The following OGT variants were observed in gnomAD, a reference collection of about 807,000 sequenced individuals.
The protein encoded by OGT is UDP-N-acetylglucosamine--peptide N-acetylglucosaminyltransferase 110 kDa subunit.
OGT carries 3 observed loss-of-function variants against 75.8 expected under a neutral mutation model. That is an observed-to-expected ratio of 0.04 (90% confidence interval 0.02 to 0.10). The LOEUF (loss-of-function observed/expected upper bound fraction) is 0.10. Among genes scored for constraint, OGT ranks in the 10% least tolerant of loss-of-function variants. OGT has a pLI of 1.00. For missense variants in OGT, 260 were observed against 824.4 expected (o/e 0.32, Z 8.38); for synonymous variants, 257 against 289.7 (o/e 0.89, Z 1.15).
intron 8 of OGT, 115 bp downstream of exon 8, chrX:71,556,209 T>C: frequency 1.2e-6 from 1 of 851,254 alleles, no homozygotes; most frequent in Non-Finnish European, 1.7e-6. Context: ...ACAAGAGGAT[T>C]ATTCATTGAA....
chrX:71,558,242 C>T (rs1168412532), intron 12 of OGT, among the ~76,000 whole-genome samples: 3 of 111,173 alleles, frequency 2.7e-5, no homozygotes, highest in African/African-American at 6.5e-5. Context: ...TGAGCCACCG[C>T]GCCTGGCCAG....
At chrX:71,541,178 G>C (rs1456562383) in intron 3 of OGT, among the ~76,000 whole-genome samples, 1 of 112,056 alleles carries the variant, frequency 8.9e-6, no homozygotes, top group African/African-American at 3.2e-5. Flanking sequence ...ATTGTTGCTT[G>C]TGCTTTGATT....
chrX:71,548,090 A>ATTATTTAGTTCT, intron 5 of OGT, 67 bp downstream of exon 5: 1 of 1,044,280 alleles, frequency 9.6e-7, no homozygotes, highest in Non-Finnish European at 1.3e-6. Context: ...TACTAGAACT[A>ATTATTTAGTTCT]AATAATAGGT....
chrX:71,549,227 T>C (rs1443770311), intron 5 of OGT, among the ~76,000 whole-genome samples: 1 of 89,409 alleles, frequency 1.1e-5, no homozygotes, highest in Non-Finnish European at 2.1e-5. Context: ...GCCTGGGAGC[T>C]GGAGGTTGCA....
intron 3 of OGT, among the ~76,000 whole-genome samples, chrX:71,540,167 A>G (rs936727587): frequency 1.8e-5 from 2 of 112,517 alleles, no homozygotes; most frequent in African/African-American, 6.5e-5. Flanking sequence ...ACCAATAAGA[A>G]TGAAAATGGG....
intron 6 of OGT, 103 bp downstream of exon 6, chrX:71,554,695 C>T: frequency 1.7e-6 from 1 of 598,366 alleles, no homozygotes; most frequent in East Asian, 3.4e-5. Context: ...AGCATATTTG[C>T]CTTTTCTAGC....
intron 5 of OGT, among the ~76,000 whole-genome samples, chrX:71,552,266 T>A (rs1257877870): frequency 2.7e-5 from 3 of 109,632 alleles, no homozygotes; most frequent in Non-Finnish European, 5.7e-5. Context: ...TCTCCAAAAA[T>A]AAATAAATAA....
chrX:71,566,355 A>G (rs2040416210), intron 19 of OGT, among the ~76,000 whole-genome samples: 1 of 111,991 alleles, frequency 8.9e-6, no homozygotes, highest in African/African-American at 3.2e-5. Flanking sequence ...AGACTGGGTA[A>G]TTTATAAAGG....
In OGT at chrX:71,537,263, C is replaced by T. The variant is rs1262969845; in HGVS notation, c.219-566C>T. ...GATTACAGACATCAGCCACCGCGCC[C>T]GGCCAATGTGGTAGTTTTGTAACAA... On this transcript the variant is annotated intron_variant, in intron 2 of 21. Transcript: ENST00000373719. Among the ~76,000 whole-genome samples the T allele has an allele frequency of 8.2e-5, 9 of 110,211 alleles. No individual in the cohort carries two copies. The East Asian group carries it at 1.1e-3, about 14-fold the overall frequency.
intron 21 of OGT, among the ~76,000 whole-genome samples, chrX:71,571,159 A>G (rs2040455989): frequency 9.0e-6 from 1 of 110,807 alleles, no homozygotes; most frequent in Non-Finnish European, 1.9e-5. Flanking sequence ...GGTTCATACA[A>G]TGCTTTTCCT....
At chrX:71,559,529 G>T in intron 13 of OGT, 59 bp from the exon 14 acceptor site, 1 of 1,159,565 alleles carries the variant, frequency 8.6e-7, no homozygotes, top group Non-Finnish European at 1.2e-6. Context: ...CTTTTGGAAA[G>T]ATTTGAGCCA....
intron 21 of OGT, among the ~76,000 whole-genome samples, chrX:71,572,757 ACT>A (rs1260855981): frequency 1.8e-5 from 2 of 111,673 alleles, no homozygotes; most frequent in East Asian, 5.5e-4. Flanking sequence ...ACAGAGTGAG[ACT>A]CTATTTCAAA....
chrX:71,556,829 ATGTT>A lies in OGT; in HGVS notation c.1166+52_1166+55del, dbSNP rs750452749. The A allele has an allele frequency of 2.4e-5, 25 of 1,039,657 alleles. No homozygotes were observed. In the African/African-American group the frequency reaches 4.2e-4, roughly 17 times the overall value. 85.7% of individuals were successfully genotyped at this position (1,039,657 alleles called of 1,213,427 possible). A position where few individuals can be genotyped will look rare whatever the true frequency, so the allele number is the denominator to read the frequency against. On this transcript the variant is annotated intron_variant, in intron 9 of 21. Coordinates refer to ENST00000373719, the MANE Select transcript of OGT (RefSeq NM_181672.3). ...TTTTAAAATTATTTTTAATTTTAAA[ATGTT>A]TGACATTCGGCACATTGCAGATGCT...
intron 4 of OGT, 129 bp from the exon 5 acceptor site, chrX:71,547,778 G>C: frequency 8.8e-7 from 1 of 1,141,388 alleles, no homozygotes; most frequent in South Asian, 2.1e-5. Flanking sequence ...CTTTTGGCTG[G>C]TCAGAGAAGG....
chrX:71,538,127 A>G (rs992207522), intron 3 of OGT, 55 bp downstream of exon 3: 1 of 1,159,212 alleles, frequency 8.6e-7, no homozygotes, highest in Non-Finnish European at 1.2e-6. Context: ...AAAGAAACAT[A>G]GTGTGATATT....
At chrX:71,554,455 A>G in intron 5 of OGT, 58 bp from the exon 6 acceptor site, 1 of 817,096 alleles carries the variant, frequency 1.2e-6, no homozygotes. Flanking sequence ...GTAATTGGGA[A>G]GTTGATCTGG....
chrX:71,543,974 T>C lies in OGT; in HGVS notation c.463-593T>C, dbSNP rs1475851546. 2.8e-5 allele frequency among the ~76,000 whole-genome samples: 3 copies of C among 108,989 alleles called. 1 individual carries two copies. The Admixed American group carries it at 3.0e-4, about 11-fold the overall frequency. The allele number at this position is 108,989 out of a possible 115,157, so 94.6% of individuals were successfully genotyped here. ...GCTAATTTCATATTTTTAGTAGAGA[T>C]GGGGTTTCGCCATGTTGGCCAGGTT... On this transcript the variant is annotated intron_variant, in intron 3 of 21. Transcript: ENST00000373719.
intron 5 of OGT, among the ~76,000 whole-genome samples, chrX:71,552,402 T>C (rs1169665100): frequency 2.8e-5 from 3 of 107,063 alleles, no homozygotes; most frequent in Non-Finnish European, 5.8e-5. Flanking sequence ...TTTTTTTTTT[T>C]TTTTGAGACA....
chrX:71,547,436 C>T, intron 4 of OGT: 1 of 732,429 alleles, frequency 1.4e-6, no homozygotes, highest in South Asian at 6.9e-5. Context: ...TTTATTTGAT[C>T]ATGAACTCCT....
Sources: allele counts gnomAD v4.1 joint callset (sites outside exome capture counted in the v4.1 genomes callset), GRCh38; gene constraint gnomAD v4.1.1; transcripts MANE v1.5; gene names NCBI Gene and HGNC (gene_info 2026-07-23, HGNC 2026-07-21).